Variants in GP2 observed in about 807,000 individuals in gnomAD.
GP2 encodes the protein glycoprotein 2.
GP2 carries 58 observed loss-of-function variants against 60.8 expected under a neutral mutation model. The ratio of observed to expected loss-of-function variants is 0.95; its 90% confidence interval spans 0.77 to 1.19. The LOEUF (loss-of-function observed/expected upper bound fraction) is 1.19, where lower values mean the gene tolerates loss of function less well. GP2 is among the 50% of genes most tolerant of loss of function. The probability of loss-of-function intolerance (pLI) is 0.00; values close to 1 mark genes in which losing one functional copy is unlikely to be tolerated. For missense variants in GP2, 647 were observed against 667.4 expected (o/e 0.97, Z 0.34); for synonymous variants, 280 against 253.4 (o/e 1.10, Z -1.00).
chr16:20,324,318 TC>T, intron 2 of GP2, 62 bp from the exon 3 acceptor site: 1 of 1,099,846 alleles, frequency 9.1e-7, no homozygotes, highest in Non-Finnish European at 1.3e-6. Flanking sequence ...CAGGATTTTT[TC>T]CCCTCCATGC....
Position 20,316,755 on chromosome 16 carries a change from A to T in GP2, c.1416+458T>A, listed in dbSNP as rs531680355. 7.0e-3 allele frequency among the ~76,000 whole-genome samples: 1,058 copies of T among 151,736 alleles called. 7 individuals carry two copies. Among genetic ancestry groups the T allele is most frequent in the Non-Finnish European group, 0.011 (731 of 67,912 alleles). ...CCTTTAGGAGATCTAGAGTCTATCT[A>T]TTTATTGTTCGTTTTTCCCTCCCTC... On this transcript the variant is annotated intron_variant, in intron 8 of 10. Transcript: ENST00000302555.
At chr16:20,314,741 G>C (rs1425370621) in intron 9 of GP2, 40 bp from the exon 10 acceptor site, 3 of 1,419,644 alleles carry the variant, frequency 2.1e-6, no homozygotes, top group Non-Finnish European at 2.0e-6. Flanking sequence ...CCTCAGTCAT[G>C]CTCCAGTGAC....
intron 10 of GP2, among the ~76,000 whole-genome samples, chr16:20,311,812 A>G (rs1462554813): frequency 2.6e-5 from 4 of 152,232 alleles, no homozygotes; most frequent in Non-Finnish European, 5.9e-5. Flanking sequence ...AAGACTGGGG[A>G]CTGTTTGTTA....
chr16:20,319,212 TTCCCTGC>T (rs1409471229), intron 6 of GP2, among the ~76,000 whole-genome samples: 1 of 152,136 alleles, frequency 6.6e-6, no homozygotes, highest in African/African-American at 2.4e-5. Flanking sequence ...GGAACCCCTG[TTCCCTGC>T]TCCCAAAGCA....
In GP2 at chr16:20,317,322, G is replaced by C. The variant is rs200607365; in HGVS notation, c.1307C>G (p.Ser436Trp). Residue 436 changes from serine (S) to tryptophan (W), a missense_variant, in exon 8 of 11, where the codon TCG becomes TGG. Ser to Trp is a radical substitution (Grantham distance 177). Coordinates refer to ENST00000302555, the MANE Select transcript of GP2 (RefSeq NM_001502.4). ...TIHVEENGQS[S>W]ESRFSVQMFM... ...CATCTGAACTGAGAACCGGCTTTCCGAGGACTGCCCATTCTCCTCCACGTG... is the reference window on the plus strand; with the variant it reads ...CATCTGAACTGAGAACCGGCTTTCCCAGGACTGCCCATTCTCCTCCACGTG... 92 of 1,613,394 alleles carry C rather than the reference G, an allele frequency of 5.7e-5. No individual in the cohort carries two copies. In the Middle Eastern group the frequency reaches 6.6e-4, roughly 12 times the overall value.
chr16:20,324,140 C>T lies in GP2; in HGVS notation c.211G>A (p.Glu71Lys). The T allele has an allele frequency of 6.2e-7, 1 of 1,614,032 alleles. No individual in the cohort carries two copies. Among genetic ancestry groups the T allele is most frequent in the Non-Finnish European group, 8.5e-7 (1 of 1,179,868 alleles). ...DPCQNYTLLDEPFRSTENSAG... is the reference protein window; with the variant it reads ...DPCQNYTLLDKPFRSTENSAG... ...GAGTTCTCTGTGCTTCGGAAGGGTT[C>T]ATCCAGGAGGGTGTAATTCTGACAG... Residue 71 changes from glutamate to lysine, a missense_variant, in exon 3 of 11, where the codon GAA (glutamate) becomes AAA (lysine). Coordinates refer to ENST00000302555, the MANE Select transcript of GP2 (RefSeq NM_001502.4).
At chr16:20,326,506 G>A in intron 1 of GP2, 39 bp from the exon 2 acceptor site, 1 of 1,553,988 alleles carries the variant, frequency 6.4e-7, no homozygotes, top group East Asian at 2.3e-5. Flanking sequence ...TTAGGGCATA[G>A]GTCTATGTTC....
rs1276997545 is a variant in GP2, at chr16:20,326,440, C to T, written c.-9G>A. 2 of 1,613,018 alleles carry T rather than the reference C, an allele frequency of 1.2e-6. No homozygotes were observed. The highest frequency in any genetic ancestry group is 1.1e-5 in the South Asian group (1 of 91,058). On this transcript the variant is annotated 5_prime_UTR_variant, in exon 2 of 11. In the 5' UTR this introduces an upstream ATG that the reference lacks. Coordinates refer to ENST00000302555, the MANE Select transcript of GP2 (RefSeq NM_001502.4). The stretch of plus-strand genomic sequence containing the variant: ...TCCATAAGGTGAGGCATGCAGGTCA[C>T]TTTGCTGTATGCAGACTTCCCATGC...
intron 6 of GP2, among the ~76,000 whole-genome samples, chr16:20,319,154 G>T (rs12051331): frequency 0.41 from 61,773 of 151,914 alleles, 14,572 homozygotes; most frequent in East Asian, 0.78. Flanking sequence ...TCTCACGTCT[G>T]CAGGGAAGCT....
chr16:20,326,227 CT>C, intron 2 of GP2, 110 bp downstream of exon 2: 1 of 881,786 alleles, frequency 1.1e-6, no homozygotes. Context: ...TGAGTTTTTG[CT>C]TTAGAACTGC....
Position 20,320,370 on chromosome 16 carries a change from A to C in GP2, c.750T>G (p.Ile250Met). ...TGCAGTTTGGGTCTCGCAGGTAGGC[A>C]ATGACCTCCTCCCCCAAACCCAGGC... Reference protein sequence around the residue: ...LGGLGLGEEVIAYLRDPNCSS... With the variant: ...LGGLGLGEEVMAYLRDPNCSS... Residue 250 changes from isoleucine (I) to methionine (M), a missense_variant, in exon 5 of 11, where the codon ATT becomes ATG. Physicochemically the swap from Ile to Met is conservative, Grantham distance 10. Transcript: ENST00000302555. 1 of 1,613,704 alleles carries C rather than the reference A, an allele frequency of 6.2e-7. No homozygotes were observed. Among genetic ancestry groups the C allele is most frequent in the Non-Finnish European group, 8.5e-7 (1 of 1,179,624 alleles).
Position 20,323,044 on chromosome 16 carries a change from G to A in GP2, c.536-65C>T, listed in dbSNP as rs1284781003. 3 of 848,928 alleles carry A rather than the reference G, an allele frequency of 3.5e-6. No individual in the cohort carries two copies. The East Asian group carries it at 7.5e-5, about 21-fold the overall frequency. The allele number at this position is 848,928 out of a possible 1,614,324, so 52.6% of individuals were successfully genotyped here. ...TGCGGGCTGGACTTGAGGCCCCCAA[G>A]TCCAACCCTTTCATTTCACCGGGGC... On this transcript the variant is annotated intron_variant, in intron 3 of 10. Transcript: ENST00000302555.
At chr16:20,312,949 C>T (rs1482333690) in intron 10 of GP2, among the ~76,000 whole-genome samples, 1 of 152,126 alleles carries the variant, frequency 6.6e-6, no homozygotes, top group Non-Finnish European at 1.5e-5. Flanking sequence ...CGCACCTGGC[C>T]TAAGCTGCTT....
At chr16:20,323,485 A>C (rs4420538) in intron 3 of GP2, 115 of 570,704 alleles carry the variant, frequency 2.0e-4, no homozygotes, top group Middle Eastern at 8.1e-4. Context: ...TTTTTGCTGT[A>C]CCCCCCCCCC....
chr16:20,326,512 T>C (rs768248171), intron 1 of GP2, 45 bp from the exon 2 acceptor site: 14 of 1,532,104 alleles, frequency 9.1e-6, no homozygotes, highest in Admixed American at 1.9e-5. Context: ...CATAGGTCTA[T>C]GTTCTTAGAA....
Position 20,323,863 on chromosome 16 carries a change from A to T in GP2, c.488T>A (p.Val163Glu). Residue 163 changes from valine to glutamate, a missense_variant, in exon 3 of 11, where the codon GTG becomes GAG. Physicochemically the swap from Val to Glu is moderately radical, Grantham distance 121. Transcript: ENST00000302555. Reference sequence around the variant, plus strand: ...CCAGGGAGTGCCTTCCAACCGGTACACATGGTACCCGCCTGGGCAGGCCTT... The same window carrying T: ...CCAGGGAGTGCCTTCCAACCGGTACTCATGGTACCCGCCTGGGCAGGCCTT... ...LVKACPGGYH[V>E]YRLEGTPWCN... The T allele has an allele frequency of 9.9e-6, 16 of 1,613,974 alleles. No individual in the cohort carries two copies. Among genetic ancestry groups the T allele is most frequent in the Non-Finnish European group, 1.4e-5 (16 of 1,179,902 alleles).
Position 20,319,031 on chromosome 16 carries a change from G to T in GP2, c.1007+589C>A, listed in dbSNP as rs181159143. ...ACTGATTCAACAGGGCCCCATTTCAGCACAGAAACACAACAAAACAGAGAA... is the reference window on the plus strand; with the variant it reads ...ACTGATTCAACAGGGCCCCATTTCATCACAGAAACACAACAAAACAGAGAA... On this transcript the variant is annotated intron_variant, in intron 6 of 10. Coordinates refer to ENST00000302555, the MANE Select transcript of GP2 (RefSeq NM_001502.4). Among the ~76,000 whole-genome samples the T allele has an allele frequency of 3.7e-4, 57 of 152,224 alleles. 1 individual carries two copies. The Middle Eastern group carries it at 0.014, about 36-fold the overall frequency.
rs1487442190 is a variant in GP2, at chr16:20,311,395, A to T, written c.1547-114T>A. ...GGATGAGAAAGGCAAAGCATCTTTG[A>T]TATCTGGCCTAGTTATAGTCTCTGG... is the stretch of plus-strand genomic sequence containing the variant. On this transcript the variant is annotated intron_variant, in intron 10 of 10. Coordinates refer to ENST00000302555, the MANE Select transcript of GP2 (RefSeq NM_001502.4). 5.6e-6 allele frequency: 4 copies of T among 711,662 alleles called. No individual in the cohort carries two copies. In the East Asian group the frequency reaches 1.0e-4, roughly 19 times the overall value. The allele number at this position is 711,662 out of a possible 1,614,324, so 44.1% of individuals were successfully genotyped here.
rs1441435148 is a variant in GP2, at chr16:20,327,469, C to G, written c.-39G>C. ...CTGGGGCTTAAAGCAGGACTTACCT[C>G]CGATGAGAACACAAAGCGTTCCTCC... On this transcript the variant is annotated splice_region_variant and 5_prime_UTR_variant, in exon 1 of 11. Coordinates refer to ENST00000302555, the MANE Select transcript of GP2 (RefSeq NM_001502.4). 2 of 1,288,272 alleles carry G rather than the reference C, an allele frequency of 1.6e-6. No homozygotes were observed. Among genetic ancestry groups the G allele is most frequent in the Non-Finnish European group, 2.0e-6 (2 of 988,064 alleles). The allele number at this position is 1,288,272 out of a possible 1,614,324, so 79.8% of individuals were successfully genotyped here. A position where few individuals can be genotyped will look rare whatever the true frequency, so the allele number is the denominator to read the frequency against.
Sources: gnomAD v4.1 joint callset for allele counts (sites outside exome capture counted in the v4.1 genomes callset) on GRCh38, gnomAD v4.1.1 for gene constraint, MANE v1.5 for transcripts, NCBI Gene and HGNC (gene_info 2026-07-23, HGNC 2026-07-21) for gene names.